LGSN: variants seen among roughly 807,000 people sequenced by gnomAD.
LGSN encodes the protein lengsin.
LGSN carries 21 observed loss-of-function variants against 19.5 expected under a neutral mutation model. That is an observed-to-expected ratio of 1.07 (90% CI 0.76 to 1.55). The LOEUF (loss-of-function observed/expected upper bound fraction) is 1.55, where lower values mean the gene tolerates loss of function less well. LGSN is among the 40% of genes most tolerant of loss of function. LGSN has a pLI of 0.00. For synonymous variants in LGSN, 257 were observed against 215.6 expected, an observed-to-expected ratio of 1.19 and a Z score of -1.68; for missense variants, 673 against 608.5, an observed-to-expected ratio of 1.11 and a Z score of -1.12.
At chr6:63,362,504 T>A in the LGSN span, among the ~76,000 whole-genome samples, 1 of 152,196 alleles carries the variant, frequency 6.6e-6, no homozygotes, top group African/African-American at 2.4e-5. Flanking sequence ...CCCTAATAAC[T>A]GTGCTTTTCC....
At chr6:63,506,723 C>T in the LGSN span, among the ~76,000 whole-genome samples, 1 of 152,276 alleles carries the variant, frequency 6.6e-6, no homozygotes, top group East Asian at 1.9e-4. Flanking sequence ...TTTGAACAAG[C>T]TTCTCTTCAT....
At chr6:63,461,600 A>G in the LGSN span, among the ~76,000 whole-genome samples, 1 of 152,188 alleles carries the variant, frequency 6.6e-6, no homozygotes, top group Non-Finnish European at 1.5e-5. Context: ...AATTCTGATG[A>G]CCACCTCCAG....
Position 63,279,877 on chromosome 6 carries a change from T to A in LGSN, c.*144A>T. 1 of 744,834 alleles carries A rather than the reference T, an allele frequency of 1.3e-6. No individual in the cohort carries two copies. The highest frequency in any genetic ancestry group is 2.2e-6 in the Non-Finnish European group (1 of 450,640). The allele number at this position is 744,834 out of a possible 1,614,324, so 46.1% of individuals were successfully genotyped here. On this transcript the variant is annotated 3_prime_UTR_variant, in exon 4 of 4. Coordinates refer to ENST00000370657, the MANE Select transcript of LGSN (RefSeq NM_016571.3). ...GCAGTCCTACTTCATCTGTCAAATA[T>A]TCCATGGACAAAAAAAAAAGTCAAA...
At chr6:63,517,877 A>C in the LGSN span, among the ~76,000 whole-genome samples, 2 of 152,210 alleles carry the variant, frequency 1.3e-5, no homozygotes, top group African/African-American at 4.8e-5. Flanking sequence ...AGTAGGGCCA[A>C]GCTTGGTGGC....
At chr6:63,493,204 G>C in the LGSN span, among the ~76,000 whole-genome samples, 1 of 152,136 alleles carries the variant, frequency 6.6e-6, no homozygotes, top group Admixed American at 6.6e-5. Flanking sequence ...GGAGAATTAG[G>C]TCACAAAGAC....
rs1325045924 is a variant in LGSN at position 63,277,412 on chromosome 6, C to T, written c.*2609G>A. 1 of 152,180 alleles carries T rather than the reference C, an allele frequency of 6.6e-6. No homozygotes were observed. The highest frequency in any genetic ancestry group is 1.9e-4 in the East Asian group (1 of 5,194). The allele number at this position is 152,180 out of a possible 1,614,324, so 9.4% of individuals were successfully genotyped here. On this transcript the variant is annotated 3_prime_UTR_variant, in exon 4 of 4. Coordinates refer to ENST00000370657, the MANE Select transcript of LGSN (RefSeq NM_016571.3). ...GGAATATTGAGGAAGTCGTCTTTCA[C>T]TGGTTCTTATACCTTTGTTCTTTCA...
At chr6:63,432,149 GAAAGAAAGAAAGAAAGAAAGAAAA>G in the LGSN span, among the ~76,000 whole-genome samples, 435 of 107,708 alleles carry the variant, frequency 4.0e-3, 14 homozygotes, top group African/African-American at 0.015. Flanking sequence ...AAGAAAGAAA[GAAAGAAAGAAAGAAAGAAAGAAAA>G]GGAAAGAAAG....
chr6:63,344,175 G>A, the LGSN span, among the ~76,000 whole-genome samples: 1 of 152,158 alleles, frequency 6.6e-6, no homozygotes, highest in Non-Finnish European at 1.5e-5. Context: ...TAATAAATAG[G>A]TGTTGTCCCT....
At chr6:63,384,490 TG>T in the LGSN span, among the ~76,000 whole-genome samples, 6 of 15,016 alleles carry the variant, frequency 4.0e-4, no homozygotes, top group Admixed American at 1.7e-3. Flanking sequence ...AATAACACCT[TG>T]TGTGTGTGTG....
the LGSN span, among the ~76,000 whole-genome samples, chr6:63,363,799 T>A: frequency 9.1e-3 from 1,380 of 151,944 alleles, 27 homozygotes; most frequent in African/African-American, 0.032. Context: ...CAGGAAAACT[T>A]CCCCAACCTA....
At chr6:63,551,970 C>A in the LGSN span, among the ~76,000 whole-genome samples, 1 of 152,208 alleles carries the variant, frequency 6.6e-6, no homozygotes, top group African/African-American at 2.4e-5. Context: ...GGTTCCAAGT[C>A]TTTGCTATTG....
the LGSN span, among the ~76,000 whole-genome samples, chr6:63,420,202 C>CAA: frequency 1.2e-3 from 133 of 106,514 alleles, no homozygotes; most frequent in African/African-American, 4.2e-3. Context: ...GACTGCGTCT[C>CAA]AAAAAAAAAA....
the LGSN span, among the ~76,000 whole-genome samples, chr6:63,356,977 C>T: frequency 8.5e-6 from 1 of 117,438 alleles, no homozygotes; most frequent in East Asian, 3.1e-4. Context: ...GCCATCCCTC[C>T]CCCCTCCCCC....
At chr6:63,500,714 C>T in the LGSN span, among the ~76,000 whole-genome samples, 1 of 150,926 alleles carries the variant, frequency 6.6e-6, no homozygotes, top group African/African-American at 2.4e-5. Flanking sequence ...AGCCATCACA[C>T]CTGGCAATTA....
the LGSN span, among the ~76,000 whole-genome samples, chr6:63,360,246 C>A: frequency 6.6e-6 from 1 of 151,940 alleles, no homozygotes; most frequent in African/African-American, 2.4e-5. Flanking sequence ...TGGATAATAA[C>A]CTGCAGTGTT....
the LGSN span, among the ~76,000 whole-genome samples, chr6:63,505,565 A>AAAGAAAGAAAG: frequency 1.7e-4 from 10 of 58,642 alleles, 1 homozygote; most frequent in African/African-American, 5.3e-4. Context: ...AAAAAAAAAA[A>AAAGAAAGAAAG]AAAGAAAGAA....
At chr6:63,398,757 C>T in the LGSN span, among the ~76,000 whole-genome samples, 15 of 152,168 alleles carry the variant, frequency 9.9e-5, no homozygotes, top group African/African-American at 3.6e-4. Flanking sequence ...TCACCACTCA[C>T]TCACTGACTT....
At chr6:63,336,612 T>C in the LGSN span, among the ~76,000 whole-genome samples, 1 of 150,724 alleles carries the variant, frequency 6.6e-6, no homozygotes, top group Non-Finnish European at 1.5e-5. Flanking sequence ...ATAGATTATA[T>C]GGAATAATAA....
At chr6:63,305,645 T>C (rs1297461189) in intron 1 of LGSN, among the ~76,000 whole-genome samples, 1 of 152,238 alleles carries the variant, frequency 6.6e-6, no homozygotes, top group Non-Finnish European at 1.5e-5. Flanking sequence ...CCATAAATGT[T>C]ATCCAACAAT....
Sources: gnomAD v4.1 joint callset for allele counts (sites outside exome capture counted in the v4.1 genomes callset) on GRCh38, gnomAD v4.1.1 for gene constraint, MANE v1.5 for transcripts, NCBI Gene and HGNC (gene_info 2026-07-23, HGNC 2026-07-21) for gene names.